The following TUSC3 variants were observed in gnomAD, a reference collection of about 807,000 sequenced individuals.
TUSC3 encodes dolichyl-diphosphooligosaccharide--protein glycosyltransferase subunit TUSC3.
Under a neutral mutation model 44.8 loss-of-function variants are expected in TUSC3, and 45 were observed. The ratio of observed to expected loss-of-function variants is 1.00; its 90% CI spans 0.79 to 1.29. TUSC3 has a LOEUF of 1.29. Ranked by LOEUF, TUSC3 falls within the 50% of genes most tolerant of loss-of-function variation. The pLI, the probability that TUSC3 is intolerant of heterozygous loss-of-function variation, is 0.00. For missense variants in TUSC3, 519 were observed against 437.9 expected (o/e 1.19, Z -1.65); for synonymous variants, 212 against 152.9 (o/e 1.39, Z -2.85).
At chr8:15,649,041 C>A (rs895839990) in intron 2 of TUSC3, among the ~76,000 whole-genome samples, 2 of 152,098 alleles carry the variant, frequency 1.3e-5, no homozygotes, top group Non-Finnish European at 2.9e-5. Flanking sequence ...GTGGTAAAAT[C>A]TCAGATCCTG....
At chr8:15,812,354 C>A in the TUSC3 span, among the ~76,000 whole-genome samples, 14 of 152,168 alleles carry the variant, frequency 9.2e-5, no homozygotes, top group African/African-American at 3.4e-4. Flanking sequence ...CTATGGGAGT[C>A]AAAATATGAA....
chr8:15,502,632 A>G (rs1800983292), intron 2 of TUSC3, among the ~76,000 whole-genome samples: 1 of 152,190 alleles, frequency 6.6e-6, no homozygotes, highest in South Asian at 2.1e-4. Flanking sequence ...CTGGGACTAC[A>G]GGAACCCACC....
chr8:15,596,389 C>G (rs1006129775), intron 1 of TUSC3, among the ~76,000 whole-genome samples: 4 of 152,136 alleles, frequency 2.6e-5, no homozygotes, highest in Non-Finnish European at 4.4e-5. Context: ...CAGAATTTTT[C>G]TCAACCGAAT....
rs183724949 is a variant in TUSC3 at position 15,454,206 on chromosome 8, C to T, written n.92-29180C>T. ...TAAAATCCCAAGTCAAAAAGTCAAACCACACACTTGATCTCTCAAGTCACC... is the reference window on the plus strand; with the variant it reads ...TAAAATCCCAAGTCAAAAAGTCAAATCACACACTTGATCTCTCAAGTCACC... On this transcript the variant is annotated intron_variant and non_coding_transcript_variant, in intron 1 of 5. Coordinates refer to the TUSC3 transcript ENST00000503191. Among the ~76,000 whole-genome samples, 228 of 152,266 alleles carry T rather than the reference C, an allele frequency of 1.5e-3. 1 individual carries two copies. Among genetic ancestry groups the T allele is most frequent in the African/African-American group, 5.1e-3 (213 of 41,550 alleles).
At chr8:15,825,562 C>G in the TUSC3 span, among the ~76,000 whole-genome samples, 3 of 151,976 alleles carry the variant, frequency 2.0e-5, no homozygotes, top group Non-Finnish European at 4.4e-5. Flanking sequence ...TGAGGAACAG[C>G]CAAACTATAT....
At chr8:15,725,054 T>C (rs1438710968) in intron 6 of TUSC3, among the ~76,000 whole-genome samples, 2 of 152,196 alleles carry the variant, frequency 1.3e-5, no homozygotes, top group Non-Finnish European at 2.9e-5. Flanking sequence ...GTCATTTACT[T>C]AATGTTATAA....
At chr8:15,690,380 C>G (rs115973458) in intron 6 of TUSC3, among the ~76,000 whole-genome samples, 1 of 150,194 alleles carries the variant, frequency 6.7e-6, no homozygotes, top group Non-Finnish European at 1.5e-5. Context: ...ATTTAAGTTT[C>G]TTACAAATTC....
Position 15,650,718 on chromosome 8 carries a change from A to T in TUSC3, c.330A>T (p.Gln110His), listed in dbSNP as rs139163566. The T allele has an allele frequency of 6.2e-7, 1 of 1,614,124 alleles. No individual in the cohort carries two copies. Among genetic ancestry groups the T allele is most frequent in the Admixed American group, 1.7e-5 (1 of 60,010 alleles). Residue 110 changes from glutamine (Q) to histidine (H), a missense_variant, in exon 3 of 11, where the codon CAA (glutamine) becomes CAT (histidine). Gln to His is a conservative substitution (Grantham distance 24). Coordinates refer to ENST00000503731, the MANE Select transcript of TUSC3 (RefSeq NM_006765.4). The part of the protein sequence containing the change: ...SVCRQANEEY[Q>H]ILANSWRYSS... ...TCAGGCAAGCTAATGAAGAATATCA[A>T]ATACTGGCGAACTCCTGGCGCTATT... is the stretch of plus-strand genomic sequence containing the variant.
Position 15,540,483 on chromosome 8 carries a change from G to T in TUSC3, c.53G>T (p.Arg18Leu). ...CGTAGGCAAGCGGGGCGGCGGCTGC[G>T]GTACCTGCCCACCGGGAGCTTTCCC... ...SRRRQAGRRL[R>L]YLPTGSFPFL... Residue 18 changes from arginine to leucine, a missense_variant, in exon 1 of 11, where the codon CGG becomes CTG. By Grantham distance (102) the Arg-to-Leu change is moderately radical. Transcript: ENST00000503731. The T allele has an allele frequency of 6.2e-7, 1 of 1,607,974 alleles. No homozygotes were observed. The highest frequency in any genetic ancestry group is 8.5e-7 in the Non-Finnish European group (1 of 1,177,934).
chr8:15,530,681 GA>G (rs1160380882), intron 2 of TUSC3, among the ~76,000 whole-genome samples: 21 of 152,144 alleles, frequency 1.4e-4, no homozygotes, highest in Non-Finnish European at 2.9e-4. Context: ...CACCAGGACG[GA>G]AACAAACATA....
At chr8:15,846,073 C>G in the TUSC3 span, among the ~76,000 whole-genome samples, 111,000 of 151,902 alleles carry the variant, frequency 0.73, 41,104 homozygotes, top group Non-Finnish European at 0.8. Context: ...ACAAGAATAG[C>G]ACAGGAAAGA....
intron 1 of TUSC3, among the ~76,000 whole-genome samples, chr8:15,430,718 A>G (rs1017492373): frequency 2.6e-5 from 4 of 151,704 alleles, no homozygotes; most frequent in Non-Finnish European, 4.4e-5. Flanking sequence ...ATGCTTGTAT[A>G]TCTAGAAAAC....
chr8:15,827,096 C>A, the TUSC3 span, among the ~76,000 whole-genome samples: 2 of 152,128 alleles, frequency 1.3e-5, no homozygotes, highest in African/African-American at 4.8e-5. Context: ...TTTCTAGTCT[C>A]TTGACTCCGA....
At chr8:15,826,645 A>G in the TUSC3 span, among the ~76,000 whole-genome samples, 2 of 152,180 alleles carry the variant, frequency 1.3e-5, no homozygotes, top group South Asian at 2.1e-4. Flanking sequence ...CCCAAATGAG[A>G]AGAAGCGAAT....
At chr8:15,537,081 T>A (rs1658872973), upstream of TUSC3, among the ~76,000 whole-genome samples, 1 of 152,186 alleles carries the variant, frequency 6.6e-6, no homozygotes, top group Admixed American at 6.6e-5. Flanking sequence ...TCCAGTAAGA[T>A]AATCAACTAA....
chr8:15,458,613 T>C (rs573703577), intron 1 of TUSC3, among the ~76,000 whole-genome samples: 112 of 152,326 alleles, frequency 7.4e-4, no homozygotes, highest in Admixed American at 2.6e-3. Flanking sequence ...GAATGTGTTA[T>C]GTACCAATGA....
rs1802380673 is a variant in TUSC3, at chr8:15,559,538, G to A, written c.138+18970G>A. Among the ~76,000 whole-genome samples, 2 of 141,880 alleles carry A rather than the reference G, an allele frequency of 1.4e-5. 1 individual carries two copies. The highest frequency in any genetic ancestry group is 3.1e-5 in the Non-Finnish European group (2 of 64,034). 93.1% of individuals were successfully genotyped at this position (141,880 alleles called of 152,430 possible). On this transcript the variant is annotated intron_variant, in intron 1 of 10. Transcript: ENST00000503731. ...TTAGGTCCGCTTGGTGCAGAGCTGAGTTCTATTCCTGGGTATCCTTGTTGA... is the reference window on the plus strand; with the variant it reads ...TTAGGTCCGCTTGGTGCAGAGCTGAATTCTATTCCTGGGTATCCTTGTTGA...
At chr8:15,523,750 G>T (rs2129129893) in intron 2 of TUSC3, among the ~76,000 whole-genome samples, 1 of 143,294 alleles carries the variant, frequency 7.0e-6, no homozygotes, top group Non-Finnish European at 1.5e-5. Flanking sequence ...GAGAGGAAAT[G>T]AGATAAATTA....
the TUSC3 span, among the ~76,000 whole-genome samples, chr8:15,791,544 G>C: frequency 6.6e-6 from 1 of 152,108 alleles, no homozygotes; most frequent in African/African-American, 2.4e-5. Context: ...ACTGTTTCGA[G>C]AGATACTGCT....
Sources: allele counts gnomAD v4.1 joint callset (sites outside exome capture counted in the v4.1 genomes callset), GRCh38; gene constraint gnomAD v4.1.1; transcripts MANE v1.5; gene names NCBI Gene and HGNC (gene_info 2026-07-23, HGNC 2026-07-21).